Variants in MYRFL observed in about 807,000 individuals in gnomAD.
The protein encoded by MYRFL is myelin regulatory factor like.
A neutral mutation model predicts 109.4 loss-of-function variants in MYRFL; 88 were observed. The observed-to-expected ratio is 0.80, with a 90% confidence interval of 0.68 to 0.96. The LOEUF (loss-of-function observed/expected upper bound fraction) is 0.96. MYRFL is among the 40% of genes least tolerant of loss of function. The pLI, the probability that MYRFL is intolerant of heterozygous loss-of-function variation, is 0.00. For synonymous variants in MYRFL, 324 were observed against 320.9 expected, an observed-to-expected ratio of 1.01 and a Z score of -0.10; for missense variants, 957 against 954.9, an observed-to-expected ratio of 1.00 and a Z score of -0.03.
chr12:69,934,946 G>C (rs951837108), intron 16 of MYRFL, among the ~76,000 whole-genome samples: 1 of 152,156 alleles, frequency 6.6e-6, no homozygotes, highest in Non-Finnish European at 1.5e-5. Flanking sequence ...GTTTCAGGCT[G>C]GTTTTGGCTT....
At chr12:69,958,208 A>G in intron 23 of MYRFL, 41 bp from the exon 24 acceptor site, 1 of 1,471,542 alleles carries the variant, frequency 6.8e-7, no homozygotes, top group Non-Finnish European at 9.2e-7. Flanking sequence ...CTGACTGTCA[A>G]ATGCGTGTAC....
intron 8 of MYRFL, among the ~76,000 whole-genome samples, chr12:69,894,465 A>G (rs1254686092): frequency 2.0e-5 from 3 of 152,200 alleles, no homozygotes; most frequent in African/African-American, 7.2e-5. Context: ...AACCTTACTA[A>G]CAACTTTAGT....
intron 10 of MYRFL, among the ~76,000 whole-genome samples, chr12:69,902,141 A>G (rs1193198031): frequency 6.6e-6 from 1 of 151,796 alleles, no homozygotes. Flanking sequence ...TGATCCACAC[A>G]CCTCAGCCTC....
chr12:69,949,183 T>C (rs999521609), intron 19 of MYRFL, among the ~76,000 whole-genome samples: 1 of 151,874 alleles, frequency 6.6e-6, no homozygotes, highest in Non-Finnish European at 1.5e-5. Context: ...TCCCCAAGTA[T>C]TGTGTACTGT....
intron 1 of MYRFL, among the ~76,000 whole-genome samples, chr12:69,840,726 C>T (rs558305730): frequency 1.9e-3 from 288 of 152,210 alleles, no homozygotes; most frequent in South Asian, 3.3e-3. Context: ...CAATGAAGCC[C>T]ATTTGCATGG....
At chr12:69,911,247 A>G (rs1592812248) in intron 13 of MYRFL, among the ~76,000 whole-genome samples, 1 of 152,232 alleles carries the variant, frequency 6.6e-6, no homozygotes, top group East Asian at 1.9e-4. Context: ...AAACATCATG[A>G]TAAATACTGA....
At chr12:69,937,397 T>C (rs1814061309) in intron 19 of MYRFL, among the ~76,000 whole-genome samples, 1 of 152,192 alleles carries the variant, frequency 6.6e-6, no homozygotes, top group African/African-American at 2.4e-5. Flanking sequence ...AACTCTTAAA[T>C]AACAGTGGCT....
intron 2 of MYRFL, among the ~76,000 whole-genome samples, chr12:69,871,709 T>C (rs1346829471): frequency 6.6e-6 from 1 of 152,244 alleles, no homozygotes; most frequent in Non-Finnish European, 1.5e-5. Flanking sequence ...TAAAATTTTT[T>C]AGTTATGTCA....
Position 69,899,823 on chromosome 12 carries a change from A to G in MYRFL, c.1182+2577A>G, listed in dbSNP as rs976163007. Among the ~76,000 whole-genome samples the G allele has an allele frequency of 3.9e-5, 6 of 152,318 alleles. No homozygotes were observed. The East Asian group carries it at 1.2e-3, about 29-fold the overall frequency. On this transcript the variant is annotated intron_variant, in intron 10 of 24. Coordinates refer to ENST00000552032, the MANE Select transcript of MYRFL (RefSeq NM_182530.3). ...TGTCAATCAAAACAGCTTTAGAAGT[A>G]TATTATGGTCCTGTAGTATAAATTG...
At chr12:69,922,411 A>C (rs1014930302) in intron 13 of MYRFL, among the ~76,000 whole-genome samples, 1 of 152,156 alleles carries the variant, frequency 6.6e-6, no homozygotes, top group African/African-American at 2.4e-5. Flanking sequence ...TTTTGTTAGG[A>C]GATTTTTGTT....
intron 7 of MYRFL, among the ~76,000 whole-genome samples, chr12:69,892,253 G>A (rs557267754): frequency 6.6e-6 from 1 of 152,088 alleles, no homozygotes; most frequent in Non-Finnish European, 1.5e-5. Context: ...GGCCAATAAG[G>A]TTACACAATT....
intron 10 of MYRFL, 40 bp downstream of exon 10, chr12:69,897,286 T>A: frequency 7.1e-7 from 1 of 1,413,474 alleles, no homozygotes; most frequent in Non-Finnish European, 9.7e-7. Context: ...CTCACATGCT[T>A]TCCTCCTATG....
At chr12:69,860,357 C>T (rs868765453) in intron 2 of MYRFL, among the ~76,000 whole-genome samples, 1 of 152,232 alleles carries the variant, frequency 6.6e-6, no homozygotes, top group South Asian at 2.1e-4. Flanking sequence ...CATTGATGGA[C>T]ATTTAGGTTG....
At chr12:69,856,827 T>G (rs1205550181) in intron 2 of MYRFL, among the ~76,000 whole-genome samples, 1 of 152,026 alleles carries the variant, frequency 6.6e-6, no homozygotes, top group Non-Finnish European at 1.5e-5. Flanking sequence ...ATGAATATTT[T>G]CTCCAAGTTT....
intron 6 of MYRFL, among the ~76,000 whole-genome samples, chr12:69,888,226 T>G (rs552731589): frequency 1.6e-4 from 25 of 152,146 alleles, no homozygotes; most frequent in Non-Finnish European, 3.1e-4. Context: ...TCAAAAGTAA[T>G]GAGGCAGATT....
intron 10 of MYRFL, among the ~76,000 whole-genome samples, chr12:69,901,858 C>T (rs968259580): frequency 1.3e-5 from 2 of 151,976 alleles, no homozygotes; most frequent in South Asian, 2.1e-4. Flanking sequence ...ACTACCCTCC[C>T]ACCCCATTAC....
At chr12:69,885,407 G>A (rs2136335391) in intron 5 of MYRFL, among the ~76,000 whole-genome samples, 2 of 152,166 alleles carry the variant, frequency 1.3e-5, no homozygotes, top group East Asian at 1.9e-4. Context: ...ATAAAGAAAG[G>A]AAAAGTTTGA....
rs1352049070 is a variant in MYRFL at position 69,886,987 on chromosome 12, G to A, written c.707+17G>A. ...TGAAAAACTGTAAGTGGCTTGAGTGGGCTGGAGAGTGAGGGGAGAAAGACA... is the reference window on the plus strand; with the variant it reads ...TGAAAAACTGTAAGTGGCTTGAGTGAGCTGGAGAGTGAGGGGAGAAAGACA... On this transcript the variant is annotated intron_variant, in intron 6 of 24. Transcript: ENST00000552032. 2.6e-6 allele frequency: 4 copies of A among 1,535,432 alleles called. No homozygotes were observed. The highest frequency in any genetic ancestry group is 4.9e-5 in the East Asian group (2 of 40,910).
At chr12:69,918,003 A>G (rs1954799402) in intron 13 of MYRFL, among the ~76,000 whole-genome samples, 1 of 152,090 alleles carries the variant, frequency 6.6e-6, no homozygotes, top group Non-Finnish European at 1.5e-5. Context: ...ATGTTAATTA[A>G]GGAGGGAAAG....
Sources: allele counts gnomAD v4.1 joint callset (sites outside exome capture counted in the v4.1 genomes callset), GRCh38; gene constraint gnomAD v4.1.1; transcripts MANE v1.5; gene names NCBI Gene and HGNC (gene_info 2026-07-23, HGNC 2026-07-21).